MAF: variants seen among roughly 807,000 people sequenced by gnomAD.
MAF encodes MAF bZIP transcription factor.
In MAF, 10 loss-of-function variants were observed where a neutral mutation model predicts 22.0. That is an observed-to-expected ratio of 0.45 (90% confidence interval 0.28 to 0.77). The LOEUF (loss-of-function observed/expected upper bound fraction) is 0.77. Among genes scored for constraint, MAF ranks in the 30% least tolerant of loss-of-function variants. The probability of loss-of-function intolerance (pLI) is 0.12; values close to 1 mark genes in which losing one functional copy is unlikely to be tolerated. For synonymous variants in MAF, 337 were observed against 255.8 expected, an observed-to-expected ratio of 1.32 and a Z score of -3.03; for missense variants, 544 against 548.4, an observed-to-expected ratio of 0.99 and a Z score of 0.08.
chr16:79,202,648 T>G, the MAF span: 1 of 152,210 alleles, frequency 6.6e-6, no homozygotes, highest in Admixed American at 6.5e-5. Context: ...TAATTTCTAT[T>G]CAGCTTTAAA....
chr16:79,375,330 T>G, the MAF span, among the ~76,000 whole-genome samples: 1 of 152,184 alleles, frequency 6.6e-6, no homozygotes, highest in African/African-American at 2.4e-5. Flanking sequence ...CCTCCTCTCC[T>G]CCTAAAGTTC....
At chr16:79,357,059 C>T in the MAF span, among the ~76,000 whole-genome samples, 1 of 152,086 alleles carries the variant, frequency 6.6e-6, no homozygotes, top group Non-Finnish European at 1.5e-5. Context: ...GAGTTTAAGA[C>T]CAGCCAGGCC....
At chr16:79,417,852 G>A in the MAF span, among the ~76,000 whole-genome samples, 3 of 152,246 alleles carry the variant, frequency 2.0e-5, no homozygotes, top group African/African-American at 7.2e-5. Context: ...ACACGACGCG[G>A]CACACGTTAC....
the MAF span, among the ~76,000 whole-genome samples, chr16:79,235,030 C>T: frequency 6.6e-6 from 1 of 152,106 alleles, no homozygotes. Context: ...AGCCTGGAGC[C>T]AACCCAGCTG....
chr16:79,515,742 C>G, the MAF span, among the ~76,000 whole-genome samples: 2 of 152,068 alleles, frequency 1.3e-5, no homozygotes, highest in Non-Finnish European at 2.9e-5. Flanking sequence ...CTGCCTTGAC[C>G]AGGAAGAGAT....
At chr16:79,453,242 C>T in the MAF span, among the ~76,000 whole-genome samples, 1 of 152,144 alleles carries the variant, frequency 6.6e-6, no homozygotes, top group Admixed American at 6.6e-5. Flanking sequence ...ATAATGGTGT[C>T]CTTAGGGACC....
the MAF span, among the ~76,000 whole-genome samples, chr16:79,340,954 T>C: frequency 3.3e-5 from 5 of 152,160 alleles, no homozygotes; most frequent in East Asian, 5.8e-4. Context: ...AGATGGGTGG[T>C]CAGGTGACAT....
At chr16:79,298,195 C>T in the MAF span, among the ~76,000 whole-genome samples, 6 of 152,234 alleles carry the variant, frequency 3.9e-5, no homozygotes, top group African/African-American at 1.4e-4. Flanking sequence ...CCTCTCTCTG[C>T]CCATGGGGAC....
the MAF span, among the ~76,000 whole-genome samples, chr16:79,271,255 A>G: frequency 6.6e-6 from 1 of 152,098 alleles, no homozygotes; most frequent in Non-Finnish European, 1.5e-5. Flanking sequence ...TTAGGGCCCT[A>G]GCTCACTGTT....
the MAF span, among the ~76,000 whole-genome samples, chr16:79,463,068 C>T: frequency 1.3e-5 from 2 of 152,072 alleles, no homozygotes; most frequent in East Asian, 3.9e-4. Flanking sequence ...AGAATGGTGG[C>T]CCCATAAAGC....
the MAF span, among the ~76,000 whole-genome samples, chr16:79,357,645 C>T: frequency 2.0e-5 from 3 of 152,060 alleles, no homozygotes; most frequent in African/African-American, 4.8e-5. Flanking sequence ...TGGGTTGGGA[C>T]CATGGCTGTC....
chr16:79,502,401 C>T, the MAF span, among the ~76,000 whole-genome samples: 1 of 152,128 alleles, frequency 6.6e-6, no homozygotes, highest in African/African-American at 2.4e-5. Flanking sequence ...CACAGTGGGT[C>T]ATGCGCCTAA....
At chr16:79,412,459 G>A in the MAF span, among the ~76,000 whole-genome samples, 1 of 152,202 alleles carries the variant, frequency 6.6e-6, no homozygotes, top group Non-Finnish European at 1.5e-5. Flanking sequence ...TTGCTTGAAT[G>A]TTCCATGAAG....
At chr16:79,239,045 G>A in the MAF span, among the ~76,000 whole-genome samples, 6 of 151,986 alleles carry the variant, frequency 3.9e-5, no homozygotes, top group Non-Finnish European at 5.9e-5. Context: ...TCTAGATCAG[G>A]TTCTCATAGC....
At chr16:79,461,497 G>A in the MAF span, among the ~76,000 whole-genome samples, 1 of 152,142 alleles carries the variant, frequency 6.6e-6, no homozygotes, top group Non-Finnish European at 1.5e-5. Flanking sequence ...TATTGCCTAG[G>A]AAGCCCTCAC....
chr16:79,373,584 T>C, the MAF span, among the ~76,000 whole-genome samples: 2 of 151,846 alleles, frequency 1.3e-5, no homozygotes, highest in Admixed American at 1.3e-4. Context: ...GGTTTTACCA[T>C]GTTGGCTAGG....
At chr16:79,433,717 G>T in the MAF span, among the ~76,000 whole-genome samples, 9 of 152,136 alleles carry the variant, frequency 5.9e-5, no homozygotes, top group African/African-American at 2.2e-4. Flanking sequence ...GGTGCCTTCT[G>T]TGTGCCACCT....
the MAF span, among the ~76,000 whole-genome samples, chr16:79,531,833 G>A: frequency 6.6e-6 from 1 of 152,108 alleles, no homozygotes; most frequent in African/African-American, 2.4e-5. Context: ...TGTGGCCTGG[G>A]GGTTGGGGAC....
At chr16:79,344,838 G>A in the MAF span, among the ~76,000 whole-genome samples, 1 of 152,128 alleles carries the variant, frequency 6.6e-6, no homozygotes, top group Non-Finnish European at 1.5e-5. Flanking sequence ...AAGAACATAA[G>A]GACCGATTTG....
Sources: allele counts gnomAD v4.1 joint callset (sites outside exome capture counted in the v4.1 genomes callset), GRCh38; gene constraint gnomAD v4.1.1; transcripts MANE v1.5; gene names NCBI Gene and HGNC (gene_info 2026-07-23, HGNC 2026-07-21).